IGDCC3: variants seen among roughly 807,000 people sequenced by gnomAD.
IGDCC3 encodes the protein immunoglobulin superfamily DCC subclass member 3, also known as putative neuronal cell adhesion molecule.
Under a neutral mutation model 72.0 loss-of-function variants are expected in IGDCC3, and 47 were observed. The ratio of observed to expected loss-of-function variants is 0.65; its 90% confidence interval spans 0.52 to 0.83. The LOEUF is 0.83. IGDCC3 is among the 40% of genes least tolerant of loss of function. IGDCC3 has a pLI of 0.00. For missense variants in IGDCC3, 1,038 were observed against 1,091.3 expected (o/e 0.95, Z 0.69); for synonymous variants, 477 against 472.8 (o/e 1.01, Z -0.11).
chr15:65,355,781 T>C, intron 2 of IGDCC3: 1 of 452,242 alleles, frequency 2.2e-6, no homozygotes, highest in Non-Finnish European at 4.4e-6. Context: ...ATGGAGAAAA[T>C]AAGACAGCCA....
intron 2 of IGDCC3, among the ~76,000 whole-genome samples, chr15:65,360,329 A>G (rs2091252448): frequency 1.3e-5 from 2 of 152,226 alleles, no homozygotes; most frequent in Non-Finnish European, 2.9e-5. Context: ...AAAATCAGAA[A>G]CAGAGGAGGG....
chr15:65,371,783 T>C (rs1165559572), intron 2 of IGDCC3, among the ~76,000 whole-genome samples: 1 of 152,186 alleles, frequency 6.6e-6, no homozygotes, highest in Non-Finnish European at 1.5e-5. Context: ...CCATCCTTTT[T>C]GGAGTCATTC....
chr15:65,332,292 C>T (rs185283477), intron 6 of IGDCC3, among the ~76,000 whole-genome samples, 186 bp from the exon 7 acceptor site: 62 of 152,250 alleles, frequency 4.1e-4, no homozygotes, highest in Admixed American at 1.5e-3. Context: ...CAGGAGATGG[C>T]CCACCTCCCT....
At chr15:65,351,739 AT>A (rs1438499336) in intron 2 of IGDCC3, among the ~76,000 whole-genome samples, 1 of 152,178 alleles carries the variant, frequency 6.6e-6, no homozygotes, top group Non-Finnish European at 1.5e-5. Context: ...ATTTGCATAA[AT>A]GTGTTATTGG....
intron 2 of IGDCC3, among the ~76,000 whole-genome samples, chr15:65,353,887 T>C (rs1209065417): frequency 6.6e-6 from 1 of 152,018 alleles, no homozygotes; most frequent in East Asian, 1.9e-4. Context: ...CTCTATGGAG[T>C]AGCCATTCTT....
intron 2 of IGDCC3, among the ~76,000 whole-genome samples, chr15:65,348,679 C>T (rs2091147516): frequency 6.6e-6 from 1 of 152,132 alleles, no homozygotes; most frequent in Admixed American, 6.5e-5. Context: ...TGACCGACCC[C>T]GGGTTAGAGG....
intron 2 of IGDCC3, chr15:65,373,443 T>C (rs970366696): frequency 6.6e-6 from 1 of 152,304 alleles, no homozygotes; most frequent in Admixed American, 6.6e-5. Context: ...GCGAACTCCA[T>C]ATGGGGGCCT....
chr15:65,368,435 G>A (rs1412250124), intron 2 of IGDCC3, among the ~76,000 whole-genome samples: 2 of 152,182 alleles, frequency 1.3e-5, no homozygotes, highest in Non-Finnish European at 2.9e-5. Flanking sequence ...TTTGCACATT[G>A]TGTTTAAGGG....
At position 65,327,254 on chromosome 15, in the gene IGDCC3, C is replaced by T. The variant is rs1003205482; in HGVS notation, c.*1655G>A. 2.0e-5 allele frequency: 3 copies of T among 152,648 alleles called. No homozygotes were observed. Among genetic ancestry groups the T allele is most frequent in the African/African-American group, 7.2e-5 (3 of 41,466 alleles). The allele number at this position is 152,648 out of a possible 1,614,324, so 9.5% of individuals were successfully genotyped here. A position where few individuals can be genotyped will look rare whatever the true frequency, so the allele number is the denominator to read the frequency against. On this transcript the variant is annotated 3_prime_UTR_variant, in exon 14 of 14. Coordinates refer to ENST00000327987, the MANE Select transcript of IGDCC3 (RefSeq NM_004884.4). Reference sequence around the variant, plus strand: ...CCCTTCCCAAGGGAGAGGGAGGCTCCCGAGAGAAGCTGCTTTGGGAACAGA... The same window carrying T: ...CCCTTCCCAAGGGAGAGGGAGGCTCTCGAGAGAAGCTGCTTTGGGAACAGA...
Position 65,329,235 on chromosome 15 carries a change from A to G in IGDCC3, c.2206-87T>C. ...ACCCCACTTGGGCCTTAGGGTCTCC[A>G]GGTCTCCCTGCCTGACTCAGGGACA... On this transcript the variant is annotated intron_variant, in intron 13 of 13. Transcript: ENST00000327987. The surrounding 1 kb of genome is among the most constrained non-coding windows in gnomAD (Gnocchi z 4.1). 1 of 1,519,200 alleles carries G rather than the reference A, an allele frequency of 6.6e-7. No individual in the cohort carries two copies. The highest frequency in any genetic ancestry group is 8.8e-7 in the Non-Finnish European group (1 of 1,135,190). The allele number at this position is 1,519,200 out of a possible 1,614,324, so 94.1% of individuals were successfully genotyped here.
In IGDCC3 at chr15:65,364,392, C is replaced by G. The variant is rs74021001; in HGVS notation, c.409+10705G>C. On this transcript the variant is annotated intron_variant, in intron 2 of 13. Transcript: ENST00000327987. ...CACAAAGGGCCTAGAACAGTGCAGC[C>G]CCATATTACTCTGACCACATTTACT... 5.8e-3 allele frequency among the ~76,000 whole-genome samples: 883 copies of G among 152,006 alleles called. 8 individuals are homozygous for G. Among genetic ancestry groups the G allele is most frequent in the African/African-American group, 0.02 (837 of 41,492 alleles).
rs8031105 is a variant in IGDCC3 at position 65,328,728 on chromosome 15, T to C, written c.*181A>G. ...AGGAACTGCTCCAACTCCTGATGGG[T>C]GTTAGGGCCGGGGGGTCCCTGTCAA... On this transcript the variant is annotated 3_prime_UTR_variant, in exon 14 of 14. Coordinates refer to ENST00000327987, the MANE Select transcript of IGDCC3 (RefSeq NM_004884.4). 2,434 of 611,936 alleles carry C rather than the reference T, an allele frequency of 4.0e-3. 42 individuals carry two copies. The African/African-American group carries it at 0.042, about 11-fold the overall frequency. The allele number at this position is 611,936 out of a possible 1,614,324, so 37.9% of individuals were successfully genotyped here. A position where few individuals can be genotyped will look rare whatever the true frequency, so the allele number is the denominator to read the frequency against.
chr15:65,330,206 G>A, intron 11 of IGDCC3, 87 bp downstream of exon 11: 1 of 1,000,738 alleles, frequency 1.0e-6, no homozygotes, highest in East Asian at 2.4e-5. Context: ...CTAAGCCTGT[G>A]TTTTCAAGCG....
Position 65,329,721 on chromosome 15 carries a change from C to T in IGDCC3, c.1997+5G>A. ...CCCAGCCCCTCTCCCTGGCCCAGGACCCACCTGCCCCTTTGGCCGAACAGG... is the reference window on the plus strand; with the variant it reads ...CCCAGCCCCTCTCCCTGGCCCAGGATCCACCTGCCCCTTTGGCCGAACAGG... On this transcript the variant is annotated splice_donor_5th_base_variant and intron_variant, in intron 12 of 13. Transcript: ENST00000327987. The surrounding 1 kb of genome is among the most constrained non-coding windows in gnomAD (Gnocchi z 4.1). 1.2e-6 allele frequency: 2 copies of T among 1,614,012 alleles called. No individual in the cohort carries two copies. Among genetic ancestry groups the T allele is most frequent in the Admixed American group, 1.7e-5 (1 of 60,010 alleles).
At chr15:65,336,090 C>G (rs915432156) in intron 2 of IGDCC3, 134 bp from the exon 3 acceptor site, 1 of 872,038 alleles carries the variant, frequency 1.1e-6, no homozygotes, top group Non-Finnish European at 1.8e-6. Context: ...CCTGCAAGGG[C>G]AATAGCTTGG....
At chr15:65,337,716 G>A (rs1040821948) in intron 2 of IGDCC3, among the ~76,000 whole-genome samples, 5 of 152,178 alleles carry the variant, frequency 3.3e-5, no homozygotes, top group African/African-American at 1.2e-4. Flanking sequence ...CCTCCAGGAA[G>A]GCAACTGGAT....
intron 1 of IGDCC3, among the ~76,000 whole-genome samples, chr15:65,375,849 A>C (rs8036069): frequency 0.16 from 24,315 of 152,196 alleles, 2,303 homozygotes; most frequent in African/African-American, 0.26. Flanking sequence ...CATGTCCTGG[A>C]TTCCCATTTC....
Position 65,327,244 on chromosome 15 carries a change from A to T in IGDCC3, c.*1665T>A, listed in dbSNP as rs11856970. 0.044 allele frequency: 6,650 copies of T among 152,744 alleles called. 233 individuals are homozygous for T. The highest frequency in any genetic ancestry group is 0.068 in the Non-Finnish European group (4,657 of 68,044). 9.5% of individuals were successfully genotyped at this position (152,744 alleles called of 1,614,324 possible). A position where few individuals can be genotyped will look rare whatever the true frequency, so the allele number is the denominator to read the frequency against. On this transcript the variant is annotated 3_prime_UTR_variant, in exon 14 of 14. Transcript: ENST00000327987. The stretch of plus-strand genomic sequence containing the variant: ...CCCAGCCGCACCCTTCCCAAGGGAG[A>T]GGGAGGCTCCCGAGAGAAGCTGCTT...
chr15:65,375,243 G>A lies in IGDCC3; in HGVS notation c.263C>T (p.Ser88Phe). 1.2e-6 allele frequency: 2 copies of A among 1,614,242 alleles called. No individual in the cohort carries two copies. Among genetic ancestry groups the A allele is most frequent in the Non-Finnish European group, 1.7e-6 (2 of 1,180,046 alleles). The change falls in exon 2 of 14, where the codon TCC (serine) becomes TTC (phenylalanine). Residue 88 changes from serine (S) to phenylalanine (F), a missense_variant. Physicochemically the swap from Ser to Phe is radical, Grantham distance 155 (BLOSUM62 -2). Coordinates refer to ENST00000327987, the MANE Select transcript of IGDCC3 (RefSeq NM_004884.4). ...NGVELPESTH[S>F]TLLANGSLMI... Reference sequence around the variant, plus strand: ...CAAGGACCCATTGGCCAGCAAGGTGGAGTGGGTACTCTCTGGCAGCTCTAC... The same window carrying A: ...CAAGGACCCATTGGCCAGCAAGGTGAAGTGGGTACTCTCTGGCAGCTCTAC...
Sources: allele counts gnomAD v4.1 joint callset (sites outside exome capture counted in the v4.1 genomes callset), GRCh38; gene constraint gnomAD v4.1.1; non-coding constraint Gnocchi (gnomAD v3.1); transcripts MANE v1.5; gene names NCBI Gene and HGNC (gene_info 2026-07-23, HGNC 2026-07-21).